The following ZNF280D variants were observed in gnomAD, a reference collection of about 807,000 sequenced individuals.
ZNF280D encodes suppressor of hairy wing homolog 4.
Under a neutral mutation model 94.7 loss-of-function variants are expected in ZNF280D, and 39 were observed. The observed-to-expected ratio is 0.41, with a 90% CI of 0.32 to 0.54. The LOEUF (loss-of-function observed/expected upper bound fraction) is 0.54. ZNF280D is among the 20% of genes least tolerant of loss of function. The pLI, the probability that ZNF280D is intolerant of heterozygous loss-of-function variation, is 0.22. For missense variants in ZNF280D, 1,090 were observed against 1,149.3 expected (o/e 0.95, Z 0.75); for synonymous variants, 398 against 377.6 (o/e 1.05, Z -0.63).
chr15:56,669,089 T>C, intron 13 of ZNF280D, 132 bp from the exon 14 acceptor site: 1 of 764,302 alleles, frequency 1.3e-6, no homozygotes, highest in South Asian at 2.0e-5. Context: ...TCTCCTATCA[T>C]AATAATATAA....
intron 13 of ZNF280D, among the ~76,000 whole-genome samples, chr15:56,671,626 T>C (rs2054869960): frequency 6.6e-6 from 1 of 152,182 alleles, no homozygotes; most frequent in South Asian, 2.1e-4. Context: ...TCCAGCTTTG[T>C]TCTTTTTGCT....
intron 4 of ZNF280D, 129 bp downstream of exon 4, chr15:56,703,992 C>A: frequency 1.0e-6 from 1 of 962,272 alleles, no homozygotes; most frequent in Non-Finnish European, 1.5e-6. Flanking sequence ...TACCTCCTTC[C>A]TCAAGTCCCC....
At chr15:56,632,483 A>C (rs1396806641) in intron 21 of ZNF280D, among the ~76,000 whole-genome samples, 1 of 144,832 alleles carries the variant, frequency 6.9e-6, no homozygotes, top group Non-Finnish European at 1.5e-5. Flanking sequence ...AAAAAAATCT[A>C]TATTTTTTTA....
rs139955732 is a variant in ZNF280D, at chr15:56,712,510, C to T, written c.-85-5204G>A. Among the ~76,000 whole-genome samples, 301 of 149,512 alleles carry T rather than the reference C, an allele frequency of 2.0e-3. 2 individuals are homozygous for T. Among genetic ancestry groups the T allele is most frequent in the African/African-American group, 7.1e-3 (287 of 40,576 alleles). ...GGGAGTGGTGGCACATGCCCCTGGT[C>T]CCAGCTATAAGAGGTTGAGGCTGCA... On this transcript the variant is annotated intron_variant, in intron 1 of 21. Coordinates refer to ENST00000267807, the MANE Select transcript of ZNF280D (RefSeq NM_017661.4).
intron 20 of ZNF280D, among the ~76,000 whole-genome samples, chr15:56,636,348 C>G (rs543660426): frequency 6.6e-6 from 1 of 152,240 alleles, no homozygotes; most frequent in East Asian, 1.9e-4. Flanking sequence ...TGCAGGTGGT[C>G]AGTCTACTAT....
intron 13 of ZNF280D, among the ~76,000 whole-genome samples, chr15:56,669,860 ATATATATATATTTTATATATATATATAT>A (rs1454531971): frequency 8.5e-5 from 1 of 11,754 alleles, no homozygotes; most frequent in Non-Finnish European, 1.7e-4. Context: ...ATTATTTTAT[ATATATATATATTTTATATATATATATAT>A]TATATATATA....
chr15:56,711,065 C>A (rs1157218603), intron 1 of ZNF280D, among the ~76,000 whole-genome samples: 1 of 152,170 alleles, frequency 6.6e-6, no homozygotes, highest in African/African-American at 2.4e-5. Flanking sequence ...CTATTGTATA[C>A]TTTAAACATT....
At chr15:56,733,209 G>A (rs1332359030) in intron 1 of ZNF280D, among the ~76,000 whole-genome samples, 5 of 152,198 alleles carry the variant, frequency 3.3e-5, no homozygotes, top group African/African-American at 1.2e-4. Flanking sequence ...GCGCGGCCCA[G>A]GCCTGCAGCA....
At chr15:56,653,110 G>T (rs1266021489) in intron 19 of ZNF280D, 1 of 991,140 alleles carries the variant, frequency 1.0e-6, no homozygotes, top group Non-Finnish European at 1.2e-6. Flanking sequence ...AAAAATAACT[G>T]CAATTTTGGA....
intron 1 of ZNF280D, among the ~76,000 whole-genome samples, chr15:56,720,975 G>GCGT (rs1555428081): frequency 1.1e-5 from 1 of 90,506 alleles, no homozygotes; most frequent in Admixed American, 1.0e-4. Flanking sequence ...TTTTTTGGGG[G>GCGT]GGGGGGGGAC....
At chr15:56,638,663 AAT>A (rs1156587200) in intron 20 of ZNF280D, among the ~76,000 whole-genome samples, 6 of 152,192 alleles carry the variant, frequency 3.9e-5, no homozygotes, top group Non-Finnish European at 8.8e-5. Flanking sequence ...TGCTTTGGAA[AAT>A]AGTTATTTTT....
At chr15:56,729,290 G>C (rs1370290322) in intron 1 of ZNF280D, among the ~76,000 whole-genome samples, 1 of 152,104 alleles carries the variant, frequency 6.6e-6, no homozygotes, top group African/African-American at 2.4e-5. Flanking sequence ...ATTTAGACTT[G>C]GCTGAATATC....
chr15:56,666,586 A>G, intron 15 of ZNF280D, 51 bp from the exon 16 acceptor site: 1 of 1,528,562 alleles, frequency 6.5e-7, no homozygotes. Context: ...AACAAAAATA[A>G]TAAGGAAGAG....
At chr15:56,670,495 T>C (rs1483062039) in intron 13 of ZNF280D, among the ~76,000 whole-genome samples, 1 of 152,050 alleles carries the variant, frequency 6.6e-6, no homozygotes, top group Non-Finnish European at 1.5e-5. Context: ...TCCAGCTCCA[T>C]CCATGTCCCT....
At chr15:56,667,125 A>C in intron 14 of ZNF280D, 139 bp from the exon 15 acceptor site, 1 of 592,638 alleles carries the variant, frequency 1.7e-6, no homozygotes, top group South Asian at 3.1e-5. Flanking sequence ...TCTCCCATTT[A>C]TTCTAAATGT....
intron 9 of ZNF280D, among the ~76,000 whole-genome samples, chr15:56,685,892 A>C (rs1415948087): frequency 5.3e-5 from 8 of 152,198 alleles, no homozygotes; most frequent in African/African-American, 1.4e-4. Flanking sequence ...CCACTATTAA[A>C]AGAAGAGATT....
At chr15:56,732,895 T>C (rs1380263074) in intron 1 of ZNF280D, 1 of 152,148 alleles carries the variant, frequency 6.6e-6, no homozygotes, top group African/African-American at 2.4e-5. Flanking sequence ...TAACGGGAAT[T>C]CTATGGCAGA....
rs560783254 is a variant in ZNF280D at position 56,720,078 on chromosome 15, T to C, written c.-85-12772A>G. On this transcript the variant is annotated intron_variant, in intron 1 of 21. Coordinates refer to ENST00000267807, the MANE Select transcript of ZNF280D (RefSeq NM_017661.4). Reference sequence around the variant, plus strand: ...TGAAGCTTGGCACATCCATCGACTTTTCCTTTTACAAAAGGTTTCTTGGTA... The same window carrying C: ...TGAAGCTTGGCACATCCATCGACTTCTCCTTTTACAAAAGGTTTCTTGGTA... Among the ~76,000 whole-genome samples the C allele has an allele frequency of 1.1e-4, 16 of 152,222 alleles. No homozygotes were observed. In the South Asian group the frequency reaches 3.1e-3, roughly 30 times the overall value.
In ZNF280D at chr15:56,704,183, T is replaced by G; in HGVS notation, c.113A>C (p.Asp38Ala). ...AAAGATTGGCTCATCATCATCGTCATCCTCAACTTCTTTTACTTTCTTCTG... is the reference window on the plus strand; with the variant it reads ...AAAGATTGGCTCATCATCATCGTCAGCCTCAACTTCTTTTACTTTCTTCTG... ...PWQKKVKEVE[D>A]DDDDEPIFVG... is the part of the protein sequence containing the mutation. Residue 38 changes from aspartate to alanine, a missense_variant, in exon 4 of 22, where the codon GAT (aspartate) becomes GCT (alanine). Physicochemically the swap from Asp to Ala is moderately radical, Grantham distance 126. Around this residue, in one of 3 missense-constraint regions of ZNF280D, gnomAD observed 386 missense variants for 372.0 expected, o/e 1.04. Transcript: ENST00000267807. The G allele has an allele frequency of 1.2e-6, 2 of 1,613,860 alleles. No homozygotes were observed. Among genetic ancestry groups the G allele is most frequent in the Non-Finnish European group, 1.7e-6 (2 of 1,179,920 alleles).
Sources: allele counts gnomAD v4.1 joint callset (sites outside exome capture counted in the v4.1 genomes callset), GRCh38; gene constraint gnomAD v4.1.1; regional missense constraint gnomAD v4.1.1; transcripts MANE v1.5; gene names NCBI Gene and HGNC (gene_info 2026-07-23, HGNC 2026-07-21).